RPS6KC1: variants seen among roughly 807,000 people sequenced by gnomAD.
The protein encoded by RPS6KC1 is ribosomal protein S6 kinase C1, also known as inactive ribosomal protein S6 kinase delta-1.
Under a neutral mutation model 103.8 loss-of-function variants are expected in RPS6KC1, and 54 were observed. The observed-to-expected ratio is 0.52, with a 90% CI of 0.42 to 0.65. RPS6KC1 has a LOEUF of 0.65. RPS6KC1 is among the 30% of genes least tolerant of loss of function. RPS6KC1 has a pLI of 0.00. For missense variants in RPS6KC1, 1,151 were observed against 1,253.8 expected (o/e 0.92, Z 1.24); for synonymous variants, 439 against 438.7 (o/e 1.00, Z -0.01).
chr1:213,741,044 T>A, the RPS6KC1 span, among the ~76,000 whole-genome samples: 1 of 146,590 alleles, frequency 6.8e-6, no homozygotes, highest in South Asian at 2.1e-4. Flanking sequence ...ACATATACAA[T>A]ATAAAAATAA....
the RPS6KC1 span, among the ~76,000 whole-genome samples, chr1:213,444,516 CTT>C: frequency 6.6e-6 from 1 of 152,082 alleles, no homozygotes; most frequent in Non-Finnish European, 1.5e-5. Flanking sequence ...AATAATGTCT[CTT>C]TGTTTTCGTT....
At chr1:213,743,789 G>T in the RPS6KC1 span, among the ~76,000 whole-genome samples, 1 of 152,170 alleles carries the variant, frequency 6.6e-6, no homozygotes, top group African/African-American at 2.4e-5. Context: ...GAAACTCAAT[G>T]AGAAGTGATG....
At chr1:213,325,117 T>A in the RPS6KC1 span, among the ~76,000 whole-genome samples, 72 of 152,302 alleles carry the variant, frequency 4.7e-4, no homozygotes, top group Middle Eastern at 3.4e-3. Context: ...AGCTGTTGAT[T>A]ACATTTCCAG....
chr1:213,058,148 T>A (rs1285875854), intron 1 of RPS6KC1, among the ~76,000 whole-genome samples: 1 of 147,260 alleles, frequency 6.8e-6, no homozygotes, highest in East Asian at 2.0e-4. Context: ...GGTGTGATCA[T>A]AGTGTGCTAC....
At chr1:213,155,134 C>G (rs574197370) in intron 6 of RPS6KC1, among the ~76,000 whole-genome samples, 1 of 152,184 alleles carries the variant, frequency 6.6e-6, no homozygotes, top group Non-Finnish European at 1.5e-5. Context: ...AGATGCAAGA[C>G]AAAGTCCTCC....
chr1:213,664,205 T>TGGGG, the RPS6KC1 span, among the ~76,000 whole-genome samples: 1 of 44,902 alleles, frequency 2.2e-5, no homozygotes, highest in Non-Finnish European at 4.3e-5. Context: ...GGGGGCGGGG[T>TGGGG]GGGGAGGGGA....
chr1:213,149,886 T>G (rs2088439820), intron 6 of RPS6KC1, among the ~76,000 whole-genome samples: 1 of 152,232 alleles, frequency 6.6e-6, no homozygotes, highest in Non-Finnish European at 1.5e-5. Context: ...GACCCCTTTA[T>G]CATTATATAG....
chr1:213,384,052 G>GT, the RPS6KC1 span, among the ~76,000 whole-genome samples: 2 of 152,170 alleles, frequency 1.3e-5, no homozygotes, highest in African/African-American at 4.8e-5. Context: ...CAAGGCAGGT[G>GT]GATCATGAAG....
At chr1:213,847,426 T>C in the RPS6KC1 span, among the ~76,000 whole-genome samples, 4 of 152,196 alleles carry the variant, frequency 2.6e-5, no homozygotes, top group Non-Finnish European at 4.4e-5. Flanking sequence ...TGGTGGTACT[T>C]AGCAAAACCA....
Position 213,104,577 on chromosome 1 carries a change from A to G in RPS6KC1, c.378+8A>G. 1 of 1,442,416 alleles carries G rather than the reference A, an allele frequency of 6.9e-7. No individual in the cohort carries two copies. Among genetic ancestry groups the G allele is most frequent in the Non-Finnish European group, 9.6e-7 (1 of 1,037,260 alleles). 89.4% of individuals were successfully genotyped at this position (1,442,416 alleles called of 1,614,324 possible). On this transcript the variant is annotated splice_region_variant and intron_variant, in intron 4 of 14. Coordinates refer to ENST00000366960, the MANE Select transcript of RPS6KC1 (RefSeq NM_012424.6). ...CTTGAAGACTTTTTCAAGGTTTGGT[A>G]GTCTTTCTGGAATATTTTATATCTT...
the RPS6KC1 span, among the ~76,000 whole-genome samples, chr1:213,314,276 G>A: frequency 2.6e-5 from 4 of 152,196 alleles, no homozygotes; most frequent in Non-Finnish European, 5.9e-5. Flanking sequence ...GATTACATCT[G>A]TAAAAGCCCT....
chr1:213,149,024 T>G (rs181112483), intron 6 of RPS6KC1, among the ~76,000 whole-genome samples: 5 of 152,316 alleles, frequency 3.3e-5, no homozygotes, highest in African/African-American at 1.2e-4. Context: ...TTATAAAGTC[T>G]GTTTTTACAT....
the RPS6KC1 span, among the ~76,000 whole-genome samples, chr1:213,328,545 A>ATATATAT: frequency 1.0e-5 from 1 of 97,142 alleles, no homozygotes; most frequent in Non-Finnish European, 2.4e-5. Flanking sequence ...TATATATCAC[A>ATATATAT]CACACACGTG....
the RPS6KC1 span, among the ~76,000 whole-genome samples, chr1:213,334,033 A>G: frequency 1.3e-5 from 2 of 152,200 alleles, no homozygotes; most frequent in Non-Finnish European, 1.5e-5. Context: ...GAGAACTTCA[A>G]GAATGGGATT....
At chr1:213,725,375 G>A in the RPS6KC1 span, among the ~76,000 whole-genome samples, 1 of 152,200 alleles carries the variant, frequency 6.6e-6, no homozygotes, top group Non-Finnish European at 1.5e-5. Flanking sequence ...CTGTTGCAGT[G>A]AGCCTTAACA....
chr1:213,314,085 A>T, the RPS6KC1 span, among the ~76,000 whole-genome samples: 1 of 149,830 alleles, frequency 6.7e-6, no homozygotes, highest in African/African-American at 2.5e-5. Flanking sequence ...CGCCTCTTCC[A>T]GCTTCTGGGG....
At chr1:213,245,612 A>G (rs1381951090) in intron 12 of RPS6KC1, among the ~76,000 whole-genome samples, 2 of 152,216 alleles carry the variant, frequency 1.3e-5, no homozygotes, top group Non-Finnish European at 2.9e-5. Flanking sequence ...TATCAGCAGT[A>G]TATCTTTTTA....
intron 12 of RPS6KC1, among the ~76,000 whole-genome samples, chr1:213,258,321 C>T (rs921051074): frequency 6.6e-6 from 1 of 152,130 alleles, no homozygotes; most frequent in East Asian, 1.9e-4. Context: ...CCAGGCTGGT[C>T]TCAAACTCCT....
chr1:213,741,052 T>G, the RPS6KC1 span, among the ~76,000 whole-genome samples: 6 of 148,166 alleles, frequency 4.0e-5, no homozygotes, highest in South Asian at 8.3e-4. Context: ...AATATAAAAA[T>G]AAATATAAAA....
Sources: gnomAD v4.1 joint callset for allele counts (sites outside exome capture counted in the v4.1 genomes callset) on GRCh38, gnomAD v4.1.1 for gene constraint, MANE v1.5 for transcripts, NCBI Gene and HGNC (gene_info 2026-07-23, HGNC 2026-07-21) for gene names.